Variants in OR4K2 observed in about 807,000 individuals in gnomAD.
OR4K2 encodes olfactory receptor 4K2.
In OR4K2, 8 loss-of-function variants were observed where a neutral mutation model predicts 10.5. That is an observed-to-expected ratio of 0.76 (90% CI 0.45 to 1.37). OR4K2 has a LOEUF of 1.37. OR4K2 is among the 40% of genes most tolerant of loss of function. OR4K2 has a pLI of 0.00. For synonymous variants in OR4K2, 178 were observed against 133.6 expected, an observed-to-expected ratio of 1.33 and a Z score of -2.29; for missense variants, 547 against 379.5, an observed-to-expected ratio of 1.44 and a Z score of -3.67.
rs780588179 is a variant in OR4K2 at position 19,876,315 on chromosome 14, G to T, written c.48G>T (p.Gly16=). Residue 16 remains glycine (G), a synonymous_variant, in exon 2 of 2, where the codon GGG becomes GGT. Transcript: ENST00000641885. ...KSTMSEFVLL[G]LSNSWELQMF... Reference sequence around the variant, plus strand: ...CCATGTCTGAATTTGTTTTGCTGGGGCTCTCTAATTCCTGGGAACTACAGA... The same window carrying T: ...CCATGTCTGAATTTGTTTTGCTGGGTCTCTCTAATTCCTGGGAACTACAGA... 9 of 1,612,848 alleles carry T rather than the reference G, an allele frequency of 5.6e-6. No individual in the cohort carries two copies. The highest frequency in any genetic ancestry group is 1.7e-5 in the Admixed American group (1 of 59,870).
rs916529982 is a variant in OR4K2 at position 19,882,137 on chromosome 14, A to G, written c.*4925A>G. The G allele has an allele frequency of 1.3e-5, 2 of 152,372 alleles. No individual in the cohort carries two copies. The highest frequency in any genetic ancestry group is 4.8e-5 in the African/African-American group (2 of 41,450). 9.4% of individuals were successfully genotyped at this position (152,372 alleles called of 1,614,324 possible). A position where few individuals can be genotyped will look rare whatever the true frequency, so the allele number is the denominator to read the frequency against. On this transcript the variant is annotated 3_prime_UTR_variant, in exon 2 of 2. Coordinates refer to ENST00000641885, the MANE Select transcript of OR4K2 (RefSeq NM_001005501.2). Reference sequence around the variant, plus strand: ...TTGGTGTCATTGCCACTCCTTCATCACCCTCAGCACTCTTGAAGGTGGTGA... The same window carrying G: ...TTGGTGTCATTGCCACTCCTTCATCGCCCTCAGCACTCTTGAAGGTGGTGA...
At position 19,877,006 on chromosome 14, in the gene OR4K2, G is replaced by C; in HGVS notation, c.739G>C (p.Val247Leu). 1 of 1,613,812 alleles carries C rather than the reference G, an allele frequency of 6.2e-7. No homozygotes were observed. Among genetic ancestry groups the C allele is most frequent in the Non-Finnish European group, 8.5e-7 (1 of 1,179,962 alleles). ...LSTCTAHFIV[V>L]FLFFGPCIFI... ...TACTTGTACAGCTCATTTCATTGTT[G>C]TCTTCTTGTTCTTTGGGCCATGCAT... The change falls in exon 2 of 2, where the codon GTC becomes CTC. Residue 247 changes from valine (V) to leucine (L), a missense_variant. By Grantham distance (32) the Val-to-Leu change is conservative. Transcript: ENST00000641885.
rs1483639621 is a variant in OR4K2 at position 19,883,749 on chromosome 14, G to A, written c.*6537G>A. ...ACCTAAATAAAATTGTTCTTCAAGA[G>A]TAACATGTAATTGAATCATCAACAT... is the stretch of plus-strand genomic sequence containing the variant. On this transcript the variant is annotated 3_prime_UTR_variant, in exon 2 of 2. Coordinates refer to ENST00000641885, the MANE Select transcript of OR4K2 (RefSeq NM_001005501.2). 6.6e-6 allele frequency: 1 copy of A among 152,146 alleles called. No homozygotes were observed. The highest frequency in any genetic ancestry group is 2.4e-5 in the African/African-American group (1 of 41,428). The allele number at this position is 152,146 out of a possible 1,614,324, so 9.4% of individuals were successfully genotyped here.
rs1037850879 is a variant in OR4K2, at chr14:19,875,924, C to T, written c.-234C>T. ...GCATAAAGTAAGTTCTTACTGTTAT[C>T]GTTAGACTTACACAGATGAATAGAT... On this transcript the variant is annotated 5_prime_UTR_variant, in exon 1 of 2. Transcript: ENST00000641885. 10 of 247,412 alleles carry T rather than the reference C, an allele frequency of 4.0e-5. No homozygotes were observed. Among genetic ancestry groups the T allele is most frequent in the South Asian group, 8.2e-5 (1 of 12,216 alleles). 15.3% of individuals were successfully genotyped at this position (247,412 alleles called of 1,614,324 possible).
At position 19,879,329 on chromosome 14, in the gene OR4K2, A is replaced by G. The variant is rs1380261753; in HGVS notation, c.*2117A>G. 1 of 152,260 alleles carries G rather than the reference A, an allele frequency of 6.6e-6. No individual in the cohort carries two copies. Among genetic ancestry groups the G allele is most frequent in the Non-Finnish European group, 1.5e-5 (1 of 68,072 alleles). The allele number at this position is 152,260 out of a possible 1,614,324, so 9.4% of individuals were successfully genotyped here. A position where few individuals can be genotyped will look rare whatever the true frequency, so the allele number is the denominator to read the frequency against. ...GGACTCATGGTGGTTGGTTTTATCG[A>G]TATATCTCTTAGACAAGATGCTGAC... is the stretch of plus-strand genomic sequence containing the variant. On this transcript the variant is annotated 3_prime_UTR_variant, in exon 2 of 2. Transcript: ENST00000641885.
At position 19,880,239 on chromosome 14, in the gene OR4K2, CT is replaced by C. The variant is rs200518259; in HGVS notation, c.*3039del. The C allele has an allele frequency of 3.2e-3, 466 of 147,550 alleles. No individual in the cohort carries two copies. Among genetic ancestry groups the C allele is most frequent in the African/African-American group, 8.1e-3 (327 of 40,460 alleles). 9.1% of individuals were successfully genotyped at this position (147,550 alleles called of 1,614,324 possible). On this transcript the variant is annotated 3_prime_UTR_variant, in exon 2 of 2. Transcript: ENST00000641885. The stretch of plus-strand genomic sequence containing the variant: ...TTTTAAAAGTCTTAGACTCTGGTAT[CT>C]TTTTTTTTTTTAAACAGTGTTTAAT...
Position 19,883,486 on chromosome 14 carries a change from A to C in OR4K2, c.*6274A>C, listed in dbSNP as rs1881088243. On this transcript the variant is annotated 3_prime_UTR_variant, in exon 2 of 2. Transcript: ENST00000641885. ...TGAAATAATGACTCTCTTTGTAAGC[A>C]CTTTGTCTGGAGTCTGCAAAGCCTG... The C allele has an allele frequency of 6.6e-6, 1 of 152,242 alleles. No homozygotes were observed. The highest frequency in any genetic ancestry group is 1.5e-5 in the Non-Finnish European group (1 of 68,050). The allele number at this position is 152,242 out of a possible 1,614,324, so 9.4% of individuals were successfully genotyped here. A position where few individuals can be genotyped will look rare whatever the true frequency, so the allele number is the denominator to read the frequency against.
chr14:19,880,161 T>C lies in OR4K2; in HGVS notation c.*2949T>C, dbSNP rs1244298315. 1 of 153,060 alleles carries C rather than the reference T, an allele frequency of 6.5e-6. No homozygotes were observed. Among genetic ancestry groups the C allele is most frequent in the Non-Finnish European group, 1.5e-5 (1 of 68,094 alleles). 9.5% of individuals were successfully genotyped at this position (153,060 alleles called of 1,614,324 possible). ...CAATGTGGCCCAGAGAAGCCAAAAC[T>C]TTGGACACCCCTGCATTAAAAGGCT... On this transcript the variant is annotated 3_prime_UTR_variant, in exon 2 of 2. Coordinates refer to ENST00000641885, the MANE Select transcript of OR4K2 (RefSeq NM_001005501.2).
chr14:19,883,675 A>T lies in OR4K2; in HGVS notation c.*6463A>T, dbSNP rs1881093038. On this transcript the variant is annotated 3_prime_UTR_variant, in exon 2 of 2. Transcript: ENST00000641885. ...AATAGGACTCTATTGCACTCAAGAG[A>T]TTTTAAAACGTTTAAATTTCTAAAT... 6.6e-6 allele frequency: 1 copy of T among 152,230 alleles called. No individual in the cohort carries two copies. The highest frequency in any genetic ancestry group is 1.5e-5 in the Non-Finnish European group (1 of 68,038). The allele number at this position is 152,230 out of a possible 1,614,324, so 9.4% of individuals were successfully genotyped here.
chr14:19,876,038 C>T lies in OR4K2; in HGVS notation c.-120C>T, dbSNP rs1594426419. On this transcript the variant is annotated 5_prime_UTR_variant, in exon 1 of 2. Coordinates refer to ENST00000641885, the MANE Select transcript of OR4K2 (RefSeq NM_001005501.2). ...AGAAAAGAAAGTGTTCTTTTCAATA[C>T]CTATGATTTAAGGAACATTTTGCTA... 4.0e-6 allele frequency: 2 copies of T among 494,258 alleles called. No individual in the cohort carries two copies. Among genetic ancestry groups the T allele is most frequent in the Non-Finnish European group, 7.1e-6 (2 of 282,124 alleles). 30.6% of individuals were successfully genotyped at this position (494,258 alleles called of 1,614,324 possible).
At position 19,878,070 on chromosome 14, in the gene OR4K2, T is replaced by G. The variant is rs1450681921; in HGVS notation, c.*858T>G. 1 of 152,252 alleles carries G rather than the reference T, an allele frequency of 6.6e-6. No individual in the cohort carries two copies. Among genetic ancestry groups the G allele is most frequent in the Non-Finnish European group, 1.5e-5 (1 of 68,032 alleles). 9.4% of individuals were successfully genotyped at this position (152,252 alleles called of 1,614,324 possible). A position where few individuals can be genotyped will look rare whatever the true frequency, so the allele number is the denominator to read the frequency against. ...ATTGCTTTCCATTTTGGTTATTTTT[T>G]TCTTGAAATATTTGGATGTAAAAAT... On this transcript the variant is annotated 3_prime_UTR_variant, in exon 2 of 2. Coordinates refer to ENST00000641885, the MANE Select transcript of OR4K2 (RefSeq NM_001005501.2).
Position 19,875,398 on chromosome 14 carries a change from G to T in OR4K2, c.-760G>T, listed in dbSNP as rs12436093. On this transcript the variant is annotated 5_prime_UTR_variant, in exon 1 of 2. Coordinates refer to ENST00000641885, the MANE Select transcript of OR4K2 (RefSeq NM_001005501.2). ...CCATGAAGCTTAGGTCAATACAACAGTTTACATATGTTAACATTTACAGAA... is the reference window on the plus strand; with the variant it reads ...CCATGAAGCTTAGGTCAATACAACATTTTACATATGTTAACATTTACAGAA... The T allele has an allele frequency of 0.51, 75,981 of 149,462 alleles. 15,265 individuals carry two copies. Among genetic ancestry groups the T allele is most frequent in the Non-Finnish European group, 0.61 (41,127 of 66,948 alleles). The allele number at this position is 149,462 out of a possible 1,614,324, so 9.3% of individuals were successfully genotyped here.
At position 19,877,037 on chromosome 14, in the gene OR4K2, T is replaced by A. The variant is rs748550638; in HGVS notation, c.770T>A (p.Ile257Asn). 1 of 1,613,484 alleles carries A rather than the reference T, an allele frequency of 6.2e-7. No homozygotes were observed. The highest frequency in any genetic ancestry group is 2.2e-5 in the East Asian group (1 of 44,886). The change falls in exon 2 of 2, where the codon ATC (isoleucine) becomes AAC (asparagine). Residue 257 changes from isoleucine (I) to asparagine (N), a missense_variant. Transcript: ENST00000641885. ...TTGTTCTTTGGGCCATGCATCTTCA[T>A]CTACATGTGGCCACTAAGCAGCTTT... ...VFLFFGPCIF[I>N]YMWPLSSFLT...
At position 19,877,396 on chromosome 14, in the gene OR4K2, T is replaced by C. The variant is rs925833597; in HGVS notation, c.*184T>C. On this transcript the variant is annotated 3_prime_UTR_variant, in exon 2 of 2. Transcript: ENST00000641885. ...TTTCAGAAAAGCAAGTTAAAAGAAA[T>C]AAAGACTATAAAAATGTCAGGAGTG... The C allele has an allele frequency of 7.5e-5, 39 of 520,042 alleles. No homozygotes were observed. Among genetic ancestry groups the C allele is most frequent in the Non-Finnish European group, 1.2e-4 (36 of 297,060 alleles). 32.2% of individuals were successfully genotyped at this position (520,042 alleles called of 1,614,324 possible). A position where few individuals can be genotyped will look rare whatever the true frequency, so the allele number is the denominator to read the frequency against.
In OR4K2 at chr14:19,876,814, G is replaced by A. The variant is rs766598572; in HGVS notation, c.547G>A (p.Val183Met). ...AGACAGCTTTTTCTGTGACCTTCCT[G>A]TGGTGTTCCAGTTGGCTTGTGTGGA... ...EVDSFFCDLP[V>M]VFQLACVDTY... Residue 183 changes from valine to methionine, a missense_variant, in exon 2 of 2, where the codon GTG becomes ATG. Coordinates refer to ENST00000641885, the MANE Select transcript of OR4K2 (RefSeq NM_001005501.2). 9 of 1,614,066 alleles carry A rather than the reference G, an allele frequency of 5.6e-6. No homozygotes were observed. The South Asian group carries it at 8.8e-5, about 16-fold the overall frequency.
In OR4K2 at chr14:19,876,385, G is replaced by C; in HGVS notation, c.118G>C (p.Val40Leu). Residue 40 changes from valine to leucine, a missense_variant, in exon 2 of 2, where the codon GTG (valine) becomes CTG (leucine). Coordinates refer to ENST00000641885, the MANE Select transcript of OR4K2 (RefSeq NM_001005501.2). ...TTCATTGCTTTATGTGGCAACAATG[G>C]TGGGTAACAGCCTCATAGTCATCAC... Reference protein sequence around the residue: ...VFSLLYVATMVGNSLIVITVI... With the variant: ...VFSLLYVATMLGNSLIVITVI... 6.2e-7 allele frequency: 1 copy of C among 1,614,020 alleles called. No homozygotes were observed. Among genetic ancestry groups the C allele is most frequent in the Non-Finnish European group, 8.5e-7 (1 of 1,179,902 alleles).
chr14:19,876,868 TCAA>T lies in OR4K2; in HGVS notation c.605_607del (p.Thr202del). On this transcript the variant is annotated inframe_deletion, in exon 2 of 2. Coordinates refer to ENST00000641885, the MANE Select transcript of OR4K2 (RefSeq NM_001005501.2). ...TTATGTTCTGGGCCTCTTTATGATC[TCAA>T]CAAGTGGCATAATTGCGTTGTCCTG... 2 of 1,614,180 alleles carry T rather than the reference TCAA, an allele frequency of 1.2e-6. No individual in the cohort carries two copies. Among genetic ancestry groups the T allele is most frequent in the Non-Finnish European group, 1.7e-6 (2 of 1,179,980 alleles).
In OR4K2 at chr14:19,877,392, G is replaced by T; in HGVS notation, c.*180G>T. 1.9e-6 allele frequency: 1 copy of T among 534,420 alleles called. No homozygotes were observed. Among genetic ancestry groups the T allele is most frequent in the Non-Finnish European group, 3.3e-6 (1 of 306,990 alleles). 33.1% of individuals were successfully genotyped at this position (534,420 alleles called of 1,614,324 possible). On this transcript the variant is annotated 3_prime_UTR_variant, in exon 2 of 2. Coordinates refer to ENST00000641885, the MANE Select transcript of OR4K2 (RefSeq NM_001005501.2). ...GAAATTTCAGAAAAGCAAGTTAAAA[G>T]AAATAAAGACTATAAAAATGTCAGG...
chr14:19,876,220 T>G (rs764400353), intron 1 of OR4K2, 25 bp from the exon 2 acceptor site: 32 of 990,938 alleles, frequency 3.2e-5, no homozygotes, highest in Admixed American at 7.3e-5. Context: ...TTTCCTTTTT[T>G]TTTTTTTTTT....
Sources: gnomAD v4.1 joint callset for allele counts on GRCh38, gnomAD v4.1.1 for gene constraint, MANE v1.5 for transcripts, NCBI Gene and HGNC (gene_info 2026-07-23, HGNC 2026-07-21) for gene names.